Variants in PRUNE2 observed in about 807,000 individuals in gnomAD.
The protein encoded by PRUNE2 is prune homolog 2 with BCH domain, also known as protein prune homolog 2.
In PRUNE2, 164 loss-of-function variants were observed where a neutral mutation model predicts 252.0. That is an observed-to-expected ratio of 0.65 (90% CI 0.57 to 0.74). The LOEUF (loss-of-function observed/expected upper bound fraction) is 0.74. Ranked by LOEUF, PRUNE2 falls within the 30% of genes least tolerant of loss-of-function variation. The pLI is 0.00. For missense variants in PRUNE2, 3,495 were observed against 3,711.0 expected (o/e 0.94, Z 1.51); for synonymous variants, 1,292 against 1,350.2 (o/e 0.96, Z 0.94).
intron 1 of PRUNE2, among the ~76,000 whole-genome samples, chr9:76,870,565 G>A (rs1280977309): frequency 6.6e-6 from 1 of 151,754 alleles, no homozygotes; most frequent in Non-Finnish European, 1.5e-5. Context: ...GGGTGCCTGT[G>A]GTCCCACCTA....
At position 76,713,669 on chromosome 9, in the gene PRUNE2, T is replaced by A. The variant is rs754556320; in HGVS notation, c.809A>T (p.Lys270Met). 1 of 1,601,650 alleles carries A rather than the reference T, an allele frequency of 6.2e-7. No individual in the cohort carries two copies. The highest frequency in any genetic ancestry group is 1.7e-5 in the Admixed American group (1 of 58,144). ...CAGGATGAGGACATCAAAACCAAAC[T>A]TGTCTGTAAATGCTTTCAAGTCACT... Reference protein sequence around the residue: ...ITSDLKAFTDKFGFDVLILFS... With the variant: ...ITSDLKAFTDMFGFDVLILFS... Residue 270 changes from lysine to methionine, a missense_variant, in exon 7 of 19, where the codon AAG (lysine) becomes ATG (methionine). Coordinates refer to ENST00000376718, the MANE Select transcript of PRUNE2 (RefSeq NM_015225.3).
rs1289662792 is a variant in PRUNE2, at chr9:76,671,500, T to C, written c.8277-15998A>G. ...CTCTGCAGGATATTATCCAGGAGAATGTCCCCAATCTAGCAAGGCAGGCCA... is the reference window on the plus strand; with the variant it reads ...CTCTGCAGGATATTATCCAGGAGAACGTCCCCAATCTAGCAAGGCAGGCCA... On this transcript the variant is annotated intron_variant, in intron 9 of 18. Coordinates refer to ENST00000376718, the MANE Select transcript of PRUNE2 (RefSeq NM_015225.3). Among the ~76,000 whole-genome samples, 16 of 152,196 alleles carry C rather than the reference T, an allele frequency of 1.1e-4. No homozygotes were observed. In the East Asian group the frequency reaches 2.5e-3, roughly 24 times the overall value.
chr9:76,836,251 A>G (rs1373697632), intron 4 of PRUNE2, among the ~76,000 whole-genome samples: 2 of 151,338 alleles, frequency 1.3e-5, no homozygotes, highest in South Asian at 4.2e-4. Context: ...CGGGTCTGTA[A>G]CTGTTCACTT....
chr9:76,871,935 C>CTAT (rs879627022), intron 1 of PRUNE2, among the ~76,000 whole-genome samples: 11 of 151,948 alleles, frequency 7.2e-5, no homozygotes, highest in African/African-American at 2.7e-4. Flanking sequence ...AGCCTAGTTA[C>CTAT]GACAATTTTC....
intron 15 of PRUNE2, among the ~76,000 whole-genome samples, chr9:76,634,932 T>C (rs1839333760): frequency 6.6e-6 from 1 of 152,206 alleles, no homozygotes; most frequent in African/African-American, 2.4e-5. Flanking sequence ...CCTGAAAATA[T>C]TAAAATAAGT....
At chr9:76,750,868 G>C (rs1054025182) in intron 6 of PRUNE2, among the ~76,000 whole-genome samples, 1 of 152,186 alleles carries the variant, frequency 6.6e-6, no homozygotes. Context: ...ATATAATTGG[G>C]AAGTTGCTAA....
Position 76,709,279 on chromosome 9 carries a change from T to C in PRUNE2, c.2995A>G (p.Lys999Glu), listed in dbSNP as rs766891320. The C allele has an allele frequency of 1.4e-5, 23 of 1,613,940 alleles. 2 individuals are homozygous for C. Among genetic ancestry groups the C allele is most frequent in the Middle Eastern group, 3.3e-4 (2 of 6,062 alleles). ...PFAKEEGFESKDGNSTAEETD... is the reference protein window; with the variant it reads ...PFAKEEGFESEDGNSTAEETD... ...TCCTCTGCCGTGGAGTTACCATCTT[T>C]TGACTCAAAACCTTCCTCTTTAGCA... Residue 999 changes from lysine to glutamate, a missense_variant, in exon 8 of 19, where the codon AAA becomes GAA. By Grantham distance (56) the Lys-to-Glu change is moderately conservative (BLOSUM62 1). Transcript: ENST00000376718.
intron 17 of PRUNE2, among the ~76,000 whole-genome samples, chr9:76,621,094 T>C (rs1309265935): frequency 6.6e-6 from 1 of 152,118 alleles, no homozygotes. Flanking sequence ...AGGGAGAATG[T>C]TGAGAAACTA....
intron 6 of PRUNE2, among the ~76,000 whole-genome samples, chr9:76,744,976 T>C (rs2049975640): frequency 6.6e-6 from 1 of 152,196 alleles, no homozygotes. Flanking sequence ...GGTCAAGCCC[T>C]AGACTTTCCC....
At chr9:76,702,910 C>A (rs2046007644) in intron 9 of PRUNE2, among the ~76,000 whole-genome samples, 1 of 152,152 alleles carries the variant, frequency 6.6e-6, no homozygotes, top group Non-Finnish European at 1.5e-5. Flanking sequence ...AATTTCTGAG[C>A]CTTGAATCCC....
At chr9:76,894,129 T>G (rs575381003) in intron 1 of PRUNE2, among the ~76,000 whole-genome samples, 1 of 152,194 alleles carries the variant, frequency 6.6e-6, no homozygotes, top group African/African-American at 2.4e-5. Flanking sequence ...TGGTAAACAC[T>G]CAAAAGATAA....
chr9:76,705,538 C>T lies in PRUNE2; in HGVS notation c.6736G>A (p.Gly2246Ser), dbSNP rs769404487. 1 of 1,614,052 alleles carries T rather than the reference C, an allele frequency of 6.2e-7. No individual in the cohort carries two copies. The highest frequency in any genetic ancestry group is 2.2e-5 in the East Asian group (1 of 44,880). Residue 2246 changes from glycine (G) to serine (S), a missense_variant, in exon 8 of 19, where the codon GGT becomes AGT. Physicochemically the swap from Gly to Ser is moderately conservative, Grantham distance 56. Coordinates refer to ENST00000376718, the MANE Select transcript of PRUNE2 (RefSeq NM_015225.3). ...CTGTCTGATATCCAAGAACCGTCAC[C>T]TTCTGGAGTTGGCTCTTGGTGAGTT... Reference protein sequence around the residue: ...FVTHQEPTPEGDGSWISDSFS... With the variant: ...FVTHQEPTPESDGSWISDSFS...
chr9:76,840,388 A>C lies in PRUNE2; in HGVS notation c.508+6127T>G, dbSNP rs187988407. On this transcript the variant is annotated intron_variant, in intron 4 of 18. Coordinates refer to ENST00000376718, the MANE Select transcript of PRUNE2 (RefSeq NM_015225.3). The stretch of plus-strand genomic sequence containing the variant: ...CTTGGCCCACCTGAAATCCATTTAC[A>C]GCACACCAGCATGCCCAAGCATGAT... Among the ~76,000 whole-genome samples, 12 of 152,340 alleles carry C rather than the reference A, an allele frequency of 7.9e-5. No homozygotes were observed. In the East Asian group the frequency reaches 2.3e-3, roughly 29 times the overall value.
rs567928106 is a variant in PRUNE2 at position 76,878,210 on chromosome 9, C to T, written c.37-24002G>A. Among the ~76,000 whole-genome samples, 15 of 152,230 alleles carry T rather than the reference C, an allele frequency of 9.9e-5. No homozygotes were observed. The South Asian group carries it at 2.1e-3, about 21-fold the overall frequency. ...AGGACAGGACAGCCAGTTAGAGAAC[C>T]AAGCATTCTCTTTGAAGATGGCCAA... On this transcript the variant is annotated intron_variant, in intron 1 of 18. Transcript: ENST00000376718.
At chr9:76,698,343 G>A (rs565159313) in intron 9 of PRUNE2, among the ~76,000 whole-genome samples, 10 of 152,196 alleles carry the variant, frequency 6.6e-5, no homozygotes, top group South Asian at 6.2e-4. Context: ...CACCGTGCCC[G>A]GCAAAGGACT....
rs978277448 is a variant in PRUNE2, at chr9:76,619,405, A to T, written c.9189-18T>A. 11 of 1,588,890 alleles carry T rather than the reference A, an allele frequency of 6.9e-6. No homozygotes were observed. Among genetic ancestry groups the T allele is most frequent in the Admixed American group, 1.7e-5 (1 of 58,464 alleles). ...AGCTAGTTCTGAGTGCAAGGAAAAA[A>T]TAGGAAGCAGTCAACATTTCCCCAC... On this transcript the variant is annotated intron_variant, in intron 17 of 18. Transcript: ENST00000376718.
At position 76,811,316 on chromosome 9, in the gene PRUNE2, T is replaced by C. The variant is rs145955556; in HGVS notation, c.756+12316A>G. Among the ~76,000 whole-genome samples, 146 of 152,326 alleles carry C rather than the reference T, an allele frequency of 9.6e-4. 2 individuals are homozygous for C. The East Asian group carries it at 0.026, about 27-fold the overall frequency. ...TGTGCTATGAAGAAAGTTCCAAGTG[T>C]CACATATATTTTGTAAAAAGCTACG... On this transcript the variant is annotated intron_variant, in intron 6 of 18. Coordinates refer to ENST00000376718, the MANE Select transcript of PRUNE2 (RefSeq NM_015225.3).
chr9:76,832,903 T>G (rs2058746785), intron 4 of PRUNE2, among the ~76,000 whole-genome samples: 1 of 152,068 alleles, frequency 6.6e-6, no homozygotes, highest in African/African-American at 2.4e-5. Flanking sequence ...CAACTTGGTT[T>G]TAATAAGTTT....
At chr9:76,625,910 T>TA (rs1834499369) in intron 16 of PRUNE2, among the ~76,000 whole-genome samples, 1 of 152,188 alleles carries the variant, frequency 6.6e-6, no homozygotes, top group South Asian at 2.1e-4. Flanking sequence ...GTATTGGGAA[T>TA]ACTAGTATTC....
Sources: allele counts gnomAD v4.1 joint callset (sites outside exome capture counted in the v4.1 genomes callset), GRCh38; gene constraint gnomAD v4.1.1; transcripts MANE v1.5; gene names NCBI Gene and HGNC (gene_info 2026-07-23, HGNC 2026-07-21).